The following ADISSP variants were observed in gnomAD, a reference collection of about 807,000 sequenced individuals.
ADISSP encodes the protein adipose secreted signaling protein.
chr20:3,768,165 C>A, the ADISSP span: 2 of 152,384 alleles, frequency 1.3e-5, no homozygotes, highest in African/African-American at 2.4e-5. Flanking sequence ...GTGGAGCTCC[C>A]GAAGGTGGCC....
At chr20:3,764,741 CA>C in the ADISSP span, among the ~76,000 whole-genome samples, 91 of 152,346 alleles carry the variant, frequency 6.0e-4, no homozygotes, top group Middle Eastern at 3.4e-3. Flanking sequence ...AATGAATGAC[CA>C]CATCACATTT....
At chr20:3,764,237 C>T in the ADISSP span, among the ~76,000 whole-genome samples, 1 of 152,236 alleles carries the variant, frequency 6.6e-6, no homozygotes, top group African/African-American at 2.4e-5. Context: ...CTGCTCCAGC[C>T]ACACCTCTGC....
chr20:3,762,233 C>T, the ADISSP span, among the ~76,000 whole-genome samples: 1 of 150,628 alleles, frequency 6.6e-6, no homozygotes, highest in South Asian at 2.1e-4. Flanking sequence ...GATCGCGCCA[C>T]GGCACTTCAG....
At chr20:3,754,497 G>A in the ADISSP span, 5 of 1,613,976 alleles carry the variant, frequency 3.1e-6, no homozygotes, top group Admixed American at 1.7e-5. Context: ...TGTGCGCCGA[G>A]TACTCACACT....
the ADISSP span, chr20:3,767,761 C>CGCCGCG: frequency 1.3e-5 from 2 of 151,814 alleles, no homozygotes; most frequent in Non-Finnish European, 2.9e-5. Flanking sequence ...GGGAGCCCCG[C>CGCCGCG]GCCGCGGCCG....
At chr20:3,763,557 C>A in the ADISSP span, among the ~76,000 whole-genome samples, 1,618 of 116,698 alleles carry the variant, frequency 0.014, no homozygotes, top group Non-Finnish European at 0.015. Context: ...AACTCCGTCT[C>A]AAAAAAAAAA....
At chr20:3,765,668 C>A in the ADISSP span, among the ~76,000 whole-genome samples, 6 of 152,160 alleles carry the variant, frequency 3.9e-5, no homozygotes, top group African/African-American at 1.4e-4. Context: ...GCCCCAGGGA[C>A]GTCAGCCTTC....
the ADISSP span, among the ~76,000 whole-genome samples, chr20:3,762,406 A>C: frequency 6.6e-6 from 1 of 152,136 alleles, no homozygotes; most frequent in East Asian, 1.9e-4. Flanking sequence ...TTTTTGAGAC[A>C]GGGTCTCACT....
chr20:3,757,568 G>A, the ADISSP span, among the ~76,000 whole-genome samples: 1 of 152,162 alleles, frequency 6.6e-6, no homozygotes, highest in Non-Finnish European at 1.5e-5. Context: ...GTCAGCTGTA[G>A]GACAAAGAGT....
chr20:3,755,420 T>A, the ADISSP span: 2 of 1,578,226 alleles, frequency 1.3e-6, no homozygotes, highest in South Asian at 2.2e-5. Flanking sequence ...GAGCACCCCA[T>A]GTTCTCACTC....
At chr20:3,757,850 G>A in the ADISSP span, among the ~76,000 whole-genome samples, 2 of 151,958 alleles carry the variant, frequency 1.3e-5, no homozygotes, top group African/African-American at 2.4e-5. Context: ...CTAAACCTGG[G>A]CCCCTTTTGA....
chr20:3,765,601 C>G, the ADISSP span, among the ~76,000 whole-genome samples: 2 of 152,182 alleles, frequency 1.3e-5, no homozygotes, highest in Admixed American at 1.3e-4. Context: ...TCAGCAGCAC[C>G]GTCAGAGAGG....
chr20:3,758,680 T>C, the ADISSP span: 1 of 1,609,070 alleles, frequency 6.2e-7, no homozygotes, highest in Non-Finnish European at 8.5e-7. The surrounding 1 kb of genome is among the most constrained non-coding windows in gnomAD (Gnocchi z 5.5). Context: ...GCTTGTTGCC[T>C]AGGAAGAGTG....
At chr20:3,757,077 G>A in the ADISSP span, among the ~76,000 whole-genome samples, 1 of 140,870 alleles carries the variant, frequency 7.1e-6, no homozygotes, top group Non-Finnish European at 1.5e-5. Flanking sequence ...TAAGCCAGGT[G>A]TGGTGGCTCA....
At chr20:3,768,181 C>T in the ADISSP span, 1 of 152,450 alleles carries the variant, frequency 6.6e-6, no homozygotes, top group Non-Finnish European at 1.5e-5. Context: ...TGGCCTTTCT[C>T]CCTGGGCTTC....
the ADISSP span, among the ~76,000 whole-genome samples, chr20:3,766,200 G>A: frequency 2.6e-5 from 4 of 152,120 alleles, no homozygotes; most frequent in Non-Finnish European, 5.9e-5. Flanking sequence ...TAAAGCTCAC[G>A]CCTGTGAAAA....
At chr20:3,760,176 C>G in the ADISSP span, 1 of 1,233,214 alleles carries the variant, frequency 8.1e-7, no homozygotes, top group Non-Finnish European at 1.2e-6. Flanking sequence ...TCCAGGGACA[C>G]CAGCGGGAGC....
the ADISSP span, among the ~76,000 whole-genome samples, chr20:3,766,581 A>T: frequency 6.6e-6 from 1 of 152,144 alleles, no homozygotes; most frequent in African/African-American, 2.4e-5. Flanking sequence ...TAGCCTCCAG[A>T]TAGCATGCCC....
chr20:3,767,104 G>A, the ADISSP span: 1 of 152,360 alleles, frequency 6.6e-6, no homozygotes, highest in Non-Finnish European at 1.5e-5. Context: ...TCAGGGGGAG[G>A]GGGGAAATGT....
Sources: allele counts gnomAD v4.1 joint callset (sites outside exome capture counted in the v4.1 genomes callset), GRCh38; gene constraint gnomAD v4.1.1; non-coding constraint Gnocchi (gnomAD v3.1); transcripts MANE v1.5; gene names NCBI Gene and HGNC (gene_info 2026-07-23, HGNC 2026-07-21).